The following ZBTB7C variants were observed in gnomAD, a reference collection of about 807,000 sequenced individuals.
ZBTB7C encodes the protein zinc finger and BTB domain containing 7C.
A neutral mutation model predicts 25.7 loss-of-function variants in ZBTB7C; 8 were observed. The observed-to-expected ratio is 0.31, with a 90% CI of 0.18 to 0.56. The LOEUF (loss-of-function observed/expected upper bound fraction) is 0.56. Ranked by LOEUF, ZBTB7C falls within the 20% of genes least tolerant of loss-of-function variation. ZBTB7C has a pLI of 0.91. For missense variants in ZBTB7C, 824 were observed against 855.2 expected, an observed-to-expected ratio of 0.96 and a Z score of 0.46; for synonymous variants, 394 against 369.0, an observed-to-expected ratio of 1.07 and a Z score of -0.78.
At chr18:48,045,384 G>A (rs955553863) in intron 3 of ZBTB7C, among the ~76,000 whole-genome samples, 5 of 152,226 alleles carry the variant, frequency 3.3e-5, no homozygotes, top group African/African-American at 1.2e-4. Context: ...AAGAAGAGAA[G>A]GGGAGAGAAG....
intron 3 of ZBTB7C, among the ~76,000 whole-genome samples, chr18:48,070,150 C>T (rs1334052718): frequency 6.6e-6 from 1 of 152,256 alleles, no homozygotes; most frequent in Non-Finnish European, 1.5e-5. Context: ...CTTATCCCTT[C>T]ACTCACTCAG....
intron 3 of ZBTB7C, among the ~76,000 whole-genome samples, chr18:48,177,356 G>A (rs1599037245): frequency 6.6e-6 from 1 of 152,252 alleles, no homozygotes; most frequent in East Asian, 1.9e-4. Context: ...CCCCCTCCTG[G>A]TGACTCCTGT....
At chr18:48,404,042 C>T (rs1412452016) in intron 1 of ZBTB7C, among the ~76,000 whole-genome samples, 1 of 152,140 alleles carries the variant, frequency 6.6e-6, no homozygotes, top group Non-Finnish European at 1.5e-5. Context: ...CGCCTGAGGT[C>T]AGGAATTCGA....
At chr18:48,311,654 C>G (rs1598843994) in intron 2 of ZBTB7C, among the ~76,000 whole-genome samples, 1 of 152,102 alleles carries the variant, frequency 6.6e-6, no homozygotes, top group Non-Finnish European at 1.5e-5. Context: ...TGGGATGGGA[C>G]TCACACTAAG....
chr18:48,403,955 A>G (rs2145325167), intron 1 of ZBTB7C, among the ~76,000 whole-genome samples: 1 of 152,318 alleles, frequency 6.6e-6, no homozygotes, highest in Middle Eastern at 3.4e-3. Context: ...TAAAAAAGAA[A>G]AGAAAAAAAA....
chr18:48,088,889 G>A (rs1025000142), intron 3 of ZBTB7C, among the ~76,000 whole-genome samples: 3 of 152,010 alleles, frequency 2.0e-5, no homozygotes, highest in Admixed American at 6.6e-5. Flanking sequence ...GCAGTGGGCA[G>A]GGGGTCAAAT....
intron 3 of ZBTB7C, among the ~76,000 whole-genome samples, chr18:48,045,908 G>T (rs2036450187): frequency 6.6e-6 from 1 of 152,188 alleles, no homozygotes; most frequent in African/African-American, 2.4e-5. Context: ...GCAGCCCTAG[G>T]GAGAGGTCCC....
At chr18:48,116,481 T>C (rs1460708272) in intron 3 of ZBTB7C, among the ~76,000 whole-genome samples, 1 of 152,214 alleles carries the variant, frequency 6.6e-6, no homozygotes, top group Non-Finnish European at 1.5e-5. Context: ...CCACCTTCTC[T>C]CTCCAGTCCT....
rs529513427 is a variant in ZBTB7C, at chr18:48,135,509, T to C, written c.-17+50425A>G. Among the ~76,000 whole-genome samples the C allele has an allele frequency of 2.0e-5, 3 of 152,320 alleles. No individual in the cohort carries two copies. In the East Asian group the frequency reaches 5.8e-4, roughly 29 times the overall value. On this transcript the variant is annotated intron_variant, in intron 3 of 4. Coordinates refer to ENST00000590800, the MANE Select transcript of ZBTB7C (RefSeq NM_001318841.2). ...AGTGGGGCTAATGATTCATATCTGA[T>C]GTGGCCTAATATGAGTCTTTTTTGG...
chr18:48,180,524 G>C, intron 3 of ZBTB7C: 1 of 364,508 alleles, frequency 2.7e-6, no homozygotes, highest in Admixed American at 3.5e-5. Flanking sequence ...GTTTGGGAGG[G>C]ATGGTTTCCT....
intron 1 of ZBTB7C, among the ~76,000 whole-genome samples, chr18:48,340,432 C>T (rs1461192235): frequency 6.6e-6 from 1 of 152,226 alleles, no homozygotes; most frequent in Non-Finnish European, 1.5e-5. Flanking sequence ...AGCAGAAAAT[C>T]TGCCCCTGGC....
Position 48,040,607 on chromosome 18 carries a change from GTCA to G in ZBTB7C, c.498_500del (p.Asp167del), listed in dbSNP as rs751622607. 6.2e-7 allele frequency: 1 copy of G among 1,613,752 alleles called. No individual in the cohort carries two copies. The highest frequency in any genetic ancestry group is 8.5e-7 in the Non-Finnish European group (1 of 1,179,882). ...TTTCTTGGTCAGCAAAGTCCTCCGT[GTCA>G]TCATCGTCATCCTCCTCCTCTTCCT... On this transcript the variant is annotated inframe_deletion, in exon 4 of 5. Transcript: ENST00000590800.
intron 2 of ZBTB7C, among the ~76,000 whole-genome samples, chr18:48,236,506 T>A (rs554441774): frequency 6.6e-6 from 1 of 152,350 alleles, no homozygotes; most frequent in Admixed American, 6.5e-5. Flanking sequence ...GAAGAGAAGT[T>A]CAGGATTTCG....
At chr18:48,263,648 T>C (rs12960634) in intron 2 of ZBTB7C, among the ~76,000 whole-genome samples, 78,836 of 150,332 alleles carry the variant, frequency 0.52, 22,523 homozygotes, top group East Asian at 0.68. Context: ...CTGGGAACTG[T>C]GTCTATTCAT....
chr18:48,042,885 A>G (rs1019937359), intron 3 of ZBTB7C, among the ~76,000 whole-genome samples: 2 of 152,226 alleles, frequency 1.3e-5, no homozygotes, highest in Non-Finnish European at 2.9e-5. Flanking sequence ...CTCTGCTCTA[A>G]CAGAGCTTAG....
chr18:48,398,665 G>A (rs1394506887), intron 1 of ZBTB7C, among the ~76,000 whole-genome samples: 1 of 152,022 alleles, frequency 6.6e-6, no homozygotes, highest in African/African-American at 2.4e-5. Context: ...GCTTATCTCA[G>A]ACCCCACCGC....
intron 3 of ZBTB7C, among the ~76,000 whole-genome samples, chr18:48,171,465 A>G (rs1468160469): frequency 6.6e-6 from 1 of 152,162 alleles, no homozygotes; most frequent in East Asian, 1.9e-4. Context: ...ATCATCCATC[A>G]CCAAATTCTA....
At chr18:48,391,455 T>C (rs1416896030) in intron 1 of ZBTB7C, among the ~76,000 whole-genome samples, 2 of 152,254 alleles carry the variant, frequency 1.3e-5, no homozygotes, top group Non-Finnish European at 2.9e-5. Flanking sequence ...TCTTTCATGC[T>C]CTGAGTGGAG....
At chr18:48,211,818 T>G (rs912733540) in intron 2 of ZBTB7C, among the ~76,000 whole-genome samples, 1 of 152,160 alleles carries the variant, frequency 6.6e-6, no homozygotes, top group African/African-American at 2.4e-5. Context: ...TACCATATGA[T>G]CCAGTGATCA....
Sources: allele counts gnomAD v4.1 joint callset (sites outside exome capture counted in the v4.1 genomes callset), GRCh38; gene constraint gnomAD v4.1.1; transcripts MANE v1.5; gene names NCBI Gene and HGNC (gene_info 2026-07-23, HGNC 2026-07-21).